The following DYSF variants were observed in gnomAD, a reference collection of about 807,000 sequenced individuals.
The protein encoded by DYSF is dystrophy-associated fer-1-like 1.
DYSF carries 212 observed loss-of-function variants against 274.9 expected under a neutral mutation model. The observed-to-expected ratio is 0.77, with a 90% CI of 0.69 to 0.86. The LOEUF (loss-of-function observed/expected upper bound fraction) is 0.86. DYSF is among the 40% of genes least tolerant of loss of function. The pLI is 0.00. For missense variants in DYSF, 2,666 were observed against 2,783.2 expected, an observed-to-expected ratio of 0.96 and a Z score of 0.95; for synonymous variants, 1,091 against 1,078.7, an observed-to-expected ratio of 1.01 and a Z score of -0.22.
At chr2:71,585,015 G>A (rs1231123727) in intron 30 of DYSF, among the ~76,000 whole-genome samples, 3 of 152,212 alleles carry the variant, frequency 2.0e-5, no homozygotes, top group East Asian at 1.9e-4. Flanking sequence ...GCCAAGGACC[G>A]TGGGGTATCA....
intron 44 of DYSF, among the ~76,000 whole-genome samples, chr2:71,659,668 A>G (rs1365049498): frequency 1.3e-5 from 2 of 152,222 alleles, no homozygotes; most frequent in Admixed American, 6.5e-5. Context: ...CCTTCCTTAC[A>G]TTTTGTGCCC....
At chr2:71,589,862 TG>T (rs1341465390) in intron 31 of DYSF, among the ~76,000 whole-genome samples, 176 bp downstream of exon 31, 1 of 152,130 alleles carries the variant, frequency 6.6e-6, no homozygotes, top group Non-Finnish European at 1.5e-5. Context: ...TGCGTGCACG[TG>T]TCCGTGCCTA....
rs370450875 is a variant in DYSF, at chr2:71,490,433, G to A, written c.239+8463G>A. On this transcript the variant is annotated intron_variant, in intron 3 of 55. Coordinates refer to ENST00000410020, the MANE Select transcript of DYSF (RefSeq NM_001130987.2). Reference sequence around the variant, plus strand: ...CAGCTCACTGCAACCTCCGCCTCCCGGGTTCAAGTGATTCTCCTGCCTCAG... The same window carrying A: ...CAGCTCACTGCAACCTCCGCCTCCCAGGTTCAAGTGATTCTCCTGCCTCAG... 7.2e-5 allele frequency among the ~76,000 whole-genome samples: 11 copies of A among 152,088 alleles called. No individual in the cohort carries two copies. In the East Asian group the frequency reaches 1.7e-3, roughly 24 times the overall value.
At chr2:71,467,934 G>C (rs2081657530) in intron 1 of DYSF, among the ~76,000 whole-genome samples, 2 of 152,156 alleles carry the variant, frequency 1.3e-5, no homozygotes, top group African/African-American at 4.8e-5. Context: ...CCCATGATCT[G>C]AATCATATCT....
chr2:71,637,886 G>A (rs542869644), intron 41 of DYSF, among the ~76,000 whole-genome samples: 3 of 152,148 alleles, frequency 2.0e-5, no homozygotes, highest in African/African-American at 7.2e-5. Flanking sequence ...TTTACCTGTG[G>A]GATGCAGGAC....
chr2:71,591,775 C>T (rs574429361), intron 32 of DYSF, among the ~76,000 whole-genome samples: 1 of 152,228 alleles, frequency 6.6e-6, no homozygotes, highest in Non-Finnish European at 1.5e-5. Flanking sequence ...GGTCCACTCT[C>T]CTCCGCGATG....
At chr2:71,534,982 T>C (rs1411693325) in intron 14 of DYSF, 39 bp from the exon 15 acceptor site, 1 of 1,610,554 alleles carries the variant, frequency 6.2e-7, no homozygotes, top group African/African-American at 1.3e-5. Flanking sequence ...AGAGTCCCCA[T>C]GGAGCTTGAT....
At chr2:71,661,146 A>T (rs1245144297) in intron 45 of DYSF, among the ~76,000 whole-genome samples, 2 of 151,332 alleles carry the variant, frequency 1.3e-5, no homozygotes, top group Non-Finnish European at 2.9e-5. Flanking sequence ...AAGAAAGAAA[A>T]AGTAGAAATC....
chr2:71,650,135 A>G (rs2094630453), intron 42 of DYSF, among the ~76,000 whole-genome samples: 1 of 152,198 alleles, frequency 6.6e-6, no homozygotes, highest in African/African-American at 2.4e-5. Flanking sequence ...ACTGGTTGGT[A>G]GGGGGAGATT....
chr2:71,618,207 G>GGT (rs1558638059), intron 40 of DYSF, among the ~76,000 whole-genome samples: 1 of 62,868 alleles, frequency 1.6e-5, no homozygotes, highest in African/African-American at 6.2e-5. Context: ...GTAGAGATGG[G>GGT]ATGTGTGTGT....
intron 13 of DYSF, 71 bp downstream of exon 13, chr2:71,526,417 A>AGGGGGGGGGGGGGGGGGGC: frequency 2.2e-6 from 1 of 451,850 alleles, no homozygotes. Flanking sequence ...GGGGTGGGCG[A>AGGGGGGGGGGGGGGGGGGC]TGGCGGGCGG....
At chr2:71,555,502 T>C (rs1052134708) in intron 21 of DYSF, among the ~76,000 whole-genome samples, 3 of 152,002 alleles carry the variant, frequency 2.0e-5, no homozygotes. Flanking sequence ...GAAGGAGCTG[T>C]CTGTGATTAG....
intron 1 of DYSF, among the ~76,000 whole-genome samples, chr2:71,470,754 TTCCTTCC>T (rs1558936516): frequency 4.8e-5 from 7 of 146,648 alleles, no homozygotes; most frequent in African/African-American, 1.8e-4. Context: ...CCTTCCTTCC[TTCCTTCC>T]TTCCTTCCTT....
chr2:71,624,779 A>T (rs2094177180), intron 41 of DYSF, among the ~76,000 whole-genome samples: 1 of 152,212 alleles, frequency 6.6e-6, no homozygotes, highest in South Asian at 2.1e-4. Context: ...GAATTATAGA[A>T]GATTTTCAGG....
intron 30 of DYSF, 103 bp downstream of exon 30, chr2:71,574,474 T>G: frequency 2.1e-6 from 3 of 1,420,114 alleles, no homozygotes; most frequent in South Asian, 1.3e-5. Context: ...AGGTTAGGAC[T>G]TTTGGATGGA....
At chr2:71,476,823 C>A (rs1207103508) in intron 1 of DYSF, among the ~76,000 whole-genome samples, 1 of 137,126 alleles carries the variant, frequency 7.3e-6, no homozygotes, top group East Asian at 2.2e-4. Flanking sequence ...GAACTAGCTG[C>A]TTTTTTTTTT....
At chr2:71,668,116 GAGAA>G (rs1388779763) in intron 48 of DYSF, among the ~76,000 whole-genome samples, 1 of 152,118 alleles carries the variant, frequency 6.6e-6, no homozygotes, top group African/African-American at 2.4e-5. Context: ...TATAGGCAAA[GAGAA>G]AGGCCAAAGT....
intron 29 of DYSF, 84 bp from the exon 30 acceptor site, chr2:71,574,114 G>A (rs553371920): frequency 1.5e-4 from 230 of 1,546,178 alleles, no homozygotes; most frequent in Non-Finnish European, 1.9e-4. Flanking sequence ...TGTCATGGAA[G>A]ACAGGAAGGC....
chr2:71,645,689 C>A (rs2094557129), intron 42 of DYSF, among the ~76,000 whole-genome samples: 1 of 151,928 alleles, frequency 6.6e-6, no homozygotes. Context: ...GGGACACCGT[C>A]CTCCTCTACC....
Sources: gnomAD v4.1 joint callset for allele counts (sites outside exome capture counted in the v4.1 genomes callset) on GRCh38, gnomAD v4.1.1 for gene constraint, MANE v1.5 for transcripts, NCBI Gene and HGNC (gene_info 2026-07-23, HGNC 2026-07-21) for gene names.